CTNNA3: variants seen among roughly 807,000 people sequenced by gnomAD.
CTNNA3 encodes the protein catenin alpha 3.
In CTNNA3, 76 loss-of-function variants were observed where a neutral mutation model predicts 95.7. The observed-to-expected ratio is 0.79, with a 90% CI of 0.66 to 0.96. CTNNA3 has a LOEUF of 0.96. Ranked by LOEUF, CTNNA3 falls within the 40% of genes least tolerant of loss-of-function variation. The pLI is 0.00. For missense variants in CTNNA3, 1,191 were observed against 1,089.8 expected, an observed-to-expected ratio of 1.09 and a Z score of -1.31; for synonymous variants, 431 against 374.4, an observed-to-expected ratio of 1.15 and a Z score of -1.74.
chr10:66,607,781 T>A (rs1423884319), intron 10 of CTNNA3, among the ~76,000 whole-genome samples: 1 of 152,080 alleles, frequency 6.6e-6, no homozygotes, highest in African/African-American at 2.4e-5. Flanking sequence ...ATAAACTAGG[T>A]ATTGAGAAAA....
chr10:67,399,658 A>G (rs1175337374), intron 5 of CTNNA3, among the ~76,000 whole-genome samples: 3 of 152,104 alleles, frequency 2.0e-5, no homozygotes, highest in African/African-American at 4.8e-5. Flanking sequence ...CTCACATCCT[A>G]TGTCCTTAGT....
chr10:66,435,637 A>T (rs1361074213), intron 11 of CTNNA3, among the ~76,000 whole-genome samples: 2 of 151,234 alleles, frequency 1.3e-5, no homozygotes, highest in African/African-American at 4.9e-5. Flanking sequence ...CAGCTCCTGG[A>T]TTCATTGATT....
intron 11 of CTNNA3, among the ~76,000 whole-genome samples, chr10:66,420,444 G>A (rs12256824): frequency 0.12 from 17,830 of 152,090 alleles, 1,518 homozygotes; most frequent in African/African-American, 0.24. Flanking sequence ...TGACAAGGAT[G>A]TGGAGAAAAG....
chr10:66,294,469 T>G (rs1262763941), intron 12 of CTNNA3, among the ~76,000 whole-genome samples: 1 of 152,202 alleles, frequency 6.6e-6, no homozygotes, highest in Non-Finnish European at 1.5e-5. Flanking sequence ...TAAAAGGTTG[T>G]GTAATACTAA....
chr10:67,069,879 T>C (rs1856339402), intron 7 of CTNNA3, among the ~76,000 whole-genome samples: 1 of 152,182 alleles, frequency 6.6e-6, no homozygotes, highest in Non-Finnish European at 1.5e-5. Context: ...TTGAACACTT[T>C]TGTACATCTT....
At chr10:66,033,222 C>CTTTG (rs2079486210) in intron 15 of CTNNA3, among the ~76,000 whole-genome samples, 1 of 149,606 alleles carries the variant, frequency 6.7e-6, no homozygotes, top group African/African-American at 2.5e-5. Flanking sequence ...CCTCCACATG[C>CTTTG]TGGGTTCACG....
rs531913301 is a variant in CTNNA3 at position 67,104,051 on chromosome 10, TTTACAGCCAAAA to T, written c.1047+76254_1047+76265del. Reference sequence around the variant, plus strand: ...CCAATCATCTTAGCCCTTTTATAAATTTACAGCCAAAATTACAGCCAAAATTACAGCCAAAAT... The same window carrying T: ...CCAATCATCTTAGCCCTTTTATAAATTTACAGCCAAAATTACAGCCAAAAT... On this transcript the variant is annotated intron_variant, in intron 7 of 17. Transcript: ENST00000433211. Among the ~76,000 whole-genome samples the T allele has an allele frequency of 2.5e-3, 373 of 151,798 alleles. 1 individual carries two copies. The highest frequency in any genetic ancestry group is 6.2e-3 in the South Asian group (30 of 4,822).
intron 15 of CTNNA3, among the ~76,000 whole-genome samples, chr10:66,049,888 G>A (rs10996857): frequency 0.19 from 28,742 of 151,932 alleles, 3,074 homozygotes; most frequent in Middle Eastern, 0.26. Flanking sequence ...CAACAAACCC[G>A]TGTAAATGTA....
intron 6 of CTNNA3, among the ~76,000 whole-genome samples, chr10:67,197,608 T>C (rs1863439098): frequency 6.6e-6 from 1 of 152,140 alleles, no homozygotes; most frequent in African/African-American, 2.4e-5. Context: ...GTTCTTGATG[T>C]GGTCCCTGAG....
At chr10:65,960,965 CT>C (rs1009384391) in intron 17 of CTNNA3, among the ~76,000 whole-genome samples, 11 of 152,056 alleles carry the variant, frequency 7.2e-5, no homozygotes, top group African/African-American at 2.2e-4. Flanking sequence ...AAGAAGAGCT[CT>C]TTTTTCTTTT....
At chr10:67,475,787 C>T (rs971784652) in intron 5 of CTNNA3, among the ~76,000 whole-genome samples, 2 of 152,070 alleles carry the variant, frequency 1.3e-5, no homozygotes, top group Admixed American at 1.3e-4. Context: ...CAGATGAAAG[C>T]AATGAATAAA....
chr10:66,770,968 G>A (rs1253281125), intron 8 of CTNNA3, among the ~76,000 whole-genome samples: 1 of 152,064 alleles, frequency 6.6e-6, no homozygotes, highest in African/African-American at 2.4e-5. Flanking sequence ...TTATTTCACT[G>A]TGTATGTACT....
At chr10:66,459,982 A>G (rs1037116143) in intron 11 of CTNNA3, among the ~76,000 whole-genome samples, 2 of 150,964 alleles carry the variant, frequency 1.3e-5, no homozygotes, top group Non-Finnish European at 3.0e-5. Flanking sequence ...TATGATGTAA[A>G]TGACAGATCT....
At chr10:66,457,358 A>T (rs1454206805) in intron 11 of CTNNA3, among the ~76,000 whole-genome samples, 3 of 151,796 alleles carry the variant, frequency 2.0e-5, no homozygotes, top group Non-Finnish European at 4.4e-5. Context: ...GAAACTCAAT[A>T]AAAAGAAAAC....
At chr10:67,379,112 A>G (rs1295545561) in intron 5 of CTNNA3, among the ~76,000 whole-genome samples, 1 of 152,234 alleles carries the variant, frequency 6.6e-6, no homozygotes, top group Non-Finnish European at 1.5e-5. Context: ...TTTGTGGAAA[A>G]TACTACATAT....
intron 5 of CTNNA3, among the ~76,000 whole-genome samples, chr10:67,349,987 T>A (rs1274275287): frequency 4.6e-5 from 7 of 152,148 alleles, no homozygotes; most frequent in Non-Finnish European, 1.0e-4. Context: ...TTTGTGATGA[T>A]GAACTGTGAC....
intron 17 of CTNNA3, among the ~76,000 whole-genome samples, chr10:65,966,349 A>G (rs1254997944): frequency 6.6e-6 from 1 of 152,230 alleles, no homozygotes; most frequent in Non-Finnish European, 1.5e-5. Flanking sequence ...ATTAACATGC[A>G]TTTCTTATCC....
At chr10:66,349,744 T>C (rs550875374) in intron 12 of CTNNA3, among the ~76,000 whole-genome samples, 1 of 152,126 alleles carries the variant, frequency 6.6e-6, no homozygotes, top group East Asian at 1.9e-4. Context: ...AGAGTTTTTT[T>C]TGTACAAGAA....
intron 13 of CTNNA3, among the ~76,000 whole-genome samples, chr10:66,260,079 C>G (rs192160184): frequency 2.8e-4 from 42 of 152,220 alleles, no homozygotes; most frequent in African/African-American, 9.6e-4. Context: ...TCTCCCAAAG[C>G]ACAGGATGAG....
Sources: gnomAD v4.1 joint callset for allele counts (sites outside exome capture counted in the v4.1 genomes callset) on GRCh38, gnomAD v4.1.1 for gene constraint, MANE v1.5 for transcripts, NCBI Gene and HGNC (gene_info 2026-07-23, HGNC 2026-07-21) for gene names.